The following NCKAP5 variants were observed in gnomAD, a reference collection of about 807,000 sequenced individuals.
The protein encoded by NCKAP5 is nck-associated protein 5.
In NCKAP5, 92 loss-of-function variants were observed where a neutral mutation model predicts 167.0. The ratio of observed to expected loss-of-function variants is 0.55; its 90% CI spans 0.47 to 0.66. NCKAP5 has a LOEUF of 0.66. Among genes scored for constraint, NCKAP5 ranks in the 30% least tolerant of loss-of-function variants. The pLI, the probability that NCKAP5 is intolerant of heterozygous loss-of-function variation, is 0.00. For missense variants in NCKAP5, 2,378 were observed against 2,315.0 expected (o/e 1.03, Z -0.56); for synonymous variants, 891 against 877.4 (o/e 1.02, Z -0.27).
Position 132,782,451 on chromosome 2 carries a change from C to T in NCKAP5, c.4360G>A (p.Ala1454Thr), listed in dbSNP as rs1230747931. ...KLETSGRHPD[A>T]SATATDAVSS... The stretch of plus-strand genomic sequence containing the variant: ...ACAGCATCAGTCGCGGTTGCAGAGG[C>T]ATCTGGATGCCTTCCAGAAGTTTCT... Residue 1454 changes from alanine (A) to threonine (T), a missense_variant, in exon 14 of 20, where the codon GCC (alanine) becomes ACC (threonine). This residue lies in a region of NCKAP5 where 1,325 missense variants were observed against 1,274.5 expected (regional missense o/e 1.04). Transcript: ENST00000409261. The T allele has an allele frequency of 2.5e-6, 4 of 1,613,210 alleles. No homozygotes were observed. Among genetic ancestry groups the T allele is most frequent in the Admixed American group, 3.3e-5 (2 of 59,862 alleles).
intron 6 of NCKAP5, chr2:133,117,691 T>C (rs530573821): frequency 6.6e-6 from 1 of 152,354 alleles, no homozygotes; most frequent in South Asian, 2.1e-4. Context: ...AATATATTAC[T>C]ACTTCACTGG....
chr2:133,632,050 T>G, the NCKAP5 span, among the ~76,000 whole-genome samples: 1 of 152,222 alleles, frequency 6.6e-6, no homozygotes, highest in Non-Finnish European at 1.5e-5. Flanking sequence ...TGGGAAATTT[T>G]AAAAAGGCTG....
At chr2:132,843,554 C>T (rs1400726730) in intron 11 of NCKAP5, among the ~76,000 whole-genome samples, 3 of 100,074 alleles carry the variant, frequency 3.0e-5, no homozygotes, top group African/African-American at 4.9e-5. Context: ...CTTTACTCAT[C>T]CATTCATTTT....
At chr2:133,625,241 G>A in the NCKAP5 span, among the ~76,000 whole-genome samples, 1,433 of 152,272 alleles carry the variant, frequency 9.4e-3, 7 homozygotes, top group Non-Finnish European at 0.016. Flanking sequence ...AAATTCTGTA[G>A]TCCTGAATGT....
intron 3 of NCKAP5, among the ~76,000 whole-genome samples, chr2:133,408,396 T>C (rs550421811): frequency 6.6e-6 from 1 of 152,332 alleles, no homozygotes; most frequent in East Asian, 1.9e-4. Flanking sequence ...TATACTTATA[T>C]GGTCCCTGAG....
chr2:133,328,142 G>T (rs968634376), intron 3 of NCKAP5, among the ~76,000 whole-genome samples: 1 of 152,234 alleles, frequency 6.6e-6, no homozygotes, highest in Admixed American at 6.5e-5. Flanking sequence ...CTCCAGAGCT[G>T]TATTCTTTTC....
At chr2:133,071,290 A>G (rs1205447729) in intron 6 of NCKAP5, among the ~76,000 whole-genome samples, 2 of 152,152 alleles carry the variant, frequency 1.3e-5, no homozygotes, top group African/African-American at 4.8e-5. Context: ...CTAAAAATAC[A>G]AAAAATTAGC....
chr2:133,322,269 A>C (rs1682110224), intron 3 of NCKAP5, among the ~76,000 whole-genome samples: 1 of 152,108 alleles, frequency 6.6e-6, no homozygotes, highest in South Asian at 2.1e-4. Flanking sequence ...TTAGCCTAGG[A>C]GAATGAGACA....
At chr2:133,056,999 C>G (rs528489727) in intron 6 of NCKAP5, among the ~76,000 whole-genome samples, 3 of 152,154 alleles carry the variant, frequency 2.0e-5, no homozygotes, top group African/African-American at 2.4e-5. Context: ...ACATTTTGGT[C>G]ATTCGTGCAA....
intron 3 of NCKAP5, among the ~76,000 whole-genome samples, chr2:133,407,522 G>A (rs1336303249): frequency 6.6e-6 from 1 of 152,178 alleles, no homozygotes. Context: ...ATCCATTTTT[G>A]TGTACCCTCT....
At chr2:133,174,344 T>C (rs1029454390) in intron 5 of NCKAP5, among the ~76,000 whole-genome samples, 2 of 152,198 alleles carry the variant, frequency 1.3e-5, no homozygotes, top group South Asian at 2.1e-4. Context: ...TTTATCTTGA[T>C]GGCTTACTTG....
chr2:133,223,459 C>T (rs114324429), intron 4 of NCKAP5, among the ~76,000 whole-genome samples: 1,643 of 152,152 alleles, frequency 0.011, 35 homozygotes, highest in African/African-American at 0.036. Context: ...GTGCACCTGT[C>T]GTGTGGGCAG....
At chr2:133,226,399 A>G (rs1224392560) in intron 4 of NCKAP5, among the ~76,000 whole-genome samples, 4 of 152,142 alleles carry the variant, frequency 2.6e-5, no homozygotes, top group African/African-American at 9.7e-5. Flanking sequence ...GTCTCAGAAA[A>G]CAGATAACAC....
At chr2:133,665,206 C>G in the NCKAP5 span, among the ~76,000 whole-genome samples, 1 of 152,222 alleles carries the variant, frequency 6.6e-6, no homozygotes, top group Non-Finnish European at 1.5e-5. Context: ...GCATTCACAA[C>G]GTGGCTAACT....
intron 8 of NCKAP5, among the ~76,000 whole-genome samples, chr2:132,892,039 C>T (rs751756380): frequency 9.9e-5 from 15 of 152,180 alleles, no homozygotes; most frequent in Non-Finnish European, 2.2e-4. Flanking sequence ...TTTGTAACCA[C>T]GGCCACTCAC....
the NCKAP5 span, among the ~76,000 whole-genome samples, chr2:133,667,067 A>G: frequency 6.6e-6 from 1 of 151,998 alleles, no homozygotes; most frequent in East Asian, 1.9e-4. Flanking sequence ...AAAATATGTG[A>G]TTGCTGCTAA....
intron 12 of NCKAP5, among the ~76,000 whole-genome samples, chr2:132,795,699 A>G (rs1385857627): frequency 1.3e-5 from 2 of 151,658 alleles, no homozygotes; most frequent in Non-Finnish European, 2.9e-5. Context: ...GGCGCCTATA[A>G]TCCCAGCTAC....
intron 2 of NCKAP5, among the ~76,000 whole-genome samples, chr2:133,529,783 T>C (rs952617795): frequency 6.6e-6 from 1 of 152,208 alleles, no homozygotes; most frequent in African/African-American, 2.4e-5. Context: ...CCATGATTAT[T>C]GGTGAAGCTG....
At chr2:132,699,336 T>C (rs1042587296) in intron 19 of NCKAP5, among the ~76,000 whole-genome samples, 2 of 152,194 alleles carry the variant, frequency 1.3e-5, no homozygotes, top group African/African-American at 2.4e-5. Context: ...TGATAGATTT[T>C]TTTTAAATTA....
Sources: allele counts gnomAD v4.1 joint callset (sites outside exome capture counted in the v4.1 genomes callset), GRCh38; gene constraint gnomAD v4.1.1; regional missense constraint gnomAD v4.1.1; transcripts MANE v1.5; gene names NCBI Gene and HGNC (gene_info 2026-07-23, HGNC 2026-07-21).